CNDP1: variants seen among roughly 807,000 people sequenced by gnomAD.
CNDP1 encodes the protein carnosine dipeptidase 1, also known as beta-Ala-His dipeptidase.
A neutral mutation model predicts 58.1 loss-of-function variants in CNDP1; 44 were observed. The ratio of observed to expected loss-of-function variants is 0.76; its 90% CI spans 0.60 to 0.97. The LOEUF (loss-of-function observed/expected upper bound fraction) is 0.97. Ranked by LOEUF, CNDP1 falls within the 50% of genes least tolerant of loss-of-function variation. The probability of loss-of-function intolerance (pLI) is 0.00; values close to 1 mark genes in which losing one functional copy is unlikely to be tolerated. For synonymous variants in CNDP1, 254 were observed against 252.6 expected (o/e 1.01, Z -0.05); for missense variants, 616 against 655.1 (o/e 0.94, Z 0.65).
chr18:74,560,736 A>C (rs1352870042), intron 3 of CNDP1, 120 bp from the exon 4 acceptor site: 2 of 905,468 alleles, frequency 2.2e-6, no homozygotes, highest in East Asian at 4.9e-5. Context: ...CATTTTAGAG[A>C]TGGAGAAACT....
At chr18:74,535,564 T>G (rs528860487) in intron 1 of CNDP1, among the ~76,000 whole-genome samples, 45 of 110,358 alleles carry the variant, frequency 4.1e-4, no homozygotes, top group African/African-American at 1.3e-3. Context: ...GGTCTGGCCA[T>G]GCTTTCCATT....
intron 1 of CNDP1, among the ~76,000 whole-genome samples, chr18:74,547,780 C>G (rs1426256): frequency 0.25 from 38,462 of 152,188 alleles, 5,926 homozygotes; most frequent in Non-Finnish European, 0.35. Flanking sequence ...GCCCCAGGAC[C>G]TCTCGCTTCG....
rs1981352946 is a variant in CNDP1 at position 74,567,259 on chromosome 18, CATT to C, written c.583_585del (p.Ile195del). 1 of 1,613,978 alleles carries C rather than the reference CATT, an allele frequency of 6.2e-7. No individual in the cohort carries two copies. The highest frequency in any genetic ancestry group is 1.3e-5 in the African/African-American group (1 of 74,922). ...ATCTTCCTGTGAATATCAAATTCAT[CATT>C]GAGGGGATGGAAGAGGCTGGCTCTG... On this transcript the variant is annotated inframe_deletion, in exon 6 of 12. Coordinates refer to ENST00000358821, the MANE Select transcript of CNDP1 (RefSeq NM_032649.6).
intron 1 of CNDP1, among the ~76,000 whole-genome samples, chr18:74,555,077 G>A (rs965287401): frequency 1.3e-5 from 2 of 152,040 alleles, no homozygotes; most frequent in Non-Finnish European, 2.9e-5. Context: ...CGCAACCCCT[G>A]CTCACCTCCA....
chr18:74,577,213 T>C (rs1981657493), intron 8 of CNDP1, 184 bp downstream of exon 8: 2 of 482,196 alleles, frequency 4.1e-6, no homozygotes, highest in African/African-American at 2.0e-5. Context: ...ACCAGTCCTT[T>C]TTCAATGGCG....
At chr18:74,582,405 T>C (rs896144508) in intron 10 of CNDP1, among the ~76,000 whole-genome samples, 1 of 152,240 alleles carries the variant, frequency 6.6e-6, no homozygotes, top group Non-Finnish European at 1.5e-5. Context: ...AAACCTACGA[T>C]AGCAGTTAAA....
chr18:74,556,293 C>A lies in CNDP1; in HGVS notation c.25-45C>A, dbSNP rs777276538. On this transcript the variant is annotated intron_variant, in intron 1 of 11. Coordinates refer to ENST00000358821, the MANE Select transcript of CNDP1 (RefSeq NM_032649.6). ...ATTTGGAAGGTCCGAAGTCCAGCAA[C>A]TGGCATTGATTTTCATTCGTTCCTC... The A allele has an allele frequency of 2.5e-6, 4 of 1,598,220 alleles. No homozygotes were observed. The South Asian group carries it at 3.4e-5, about 14-fold the overall frequency.
intron 1 of CNDP1, among the ~76,000 whole-genome samples, chr18:74,540,237 A>G (rs1599084145): frequency 6.7e-6 from 1 of 150,114 alleles, no homozygotes; most frequent in Non-Finnish European, 1.5e-5. Flanking sequence ...AGCTCACTGC[A>G]ACCTCCGCTT....
chr18:74,583,633 T>A lies in CNDP1; in HGVS notation c.1382T>A (p.Val461Asp), dbSNP rs534442919. The A allele has an allele frequency of 6.2e-7, 1 of 1,614,126 alleles. No individual in the cohort carries two copies. Among genetic ancestry groups the A allele is most frequent in the Admixed American group, 1.7e-5 (1 of 60,026 alleles). ...IPIAKMFQEI[V>D]HKSVVLIPLG... ...ATTGCCAAAATGTTCCAGGAGATCGTCCACAAGAGCGTGGTGCTAATTCCG... is the reference window on the plus strand; with the variant it reads ...ATTGCCAAAATGTTCCAGGAGATCGACCACAAGAGCGTGGTGCTAATTCCG... The change falls in exon 11 of 12, where the codon GTC becomes GAC. Residue 461 changes from valine (V) to aspartate (D), a missense_variant. By Grantham distance (152) the Val-to-Asp change is radical. Transcript: ENST00000358821.
intron 6 of CNDP1, 130 bp downstream of exon 6, chr18:74,567,563 G>A (rs749513664): frequency 2.3e-5 from 18 of 777,846 alleles, no homozygotes; most frequent in African/African-American, 1.6e-4. Context: ...TGGGACACAC[G>A]GCCTCAGGGG....
At chr18:74,567,486 A>G in intron 6 of CNDP1, 53 bp downstream of exon 6, 1 of 1,418,570 alleles carries the variant, frequency 7.0e-7, no homozygotes, top group Non-Finnish European at 1.0e-6. Context: ...TGTGAATGGG[A>G]GCACCAATCC....
chr18:74,563,246 C>A (rs529151953), intron 5 of CNDP1, among the ~76,000 whole-genome samples: 1 of 152,208 alleles, frequency 6.6e-6, no homozygotes, highest in African/African-American at 2.4e-5. Context: ...CAGGTCTCAG[C>A]GGGCTCCTGC....
In CNDP1 at chr18:74,585,302, C is replaced by T. The variant is rs188448753; in HGVS notation, c.*740C>T. On this transcript the variant is annotated 3_prime_UTR_variant, in exon 12 of 12. Transcript: ENST00000358821. Reference sequence around the variant, plus strand: ...TGTCCCATCAGAAAAGGCCCACTCTCTCTCTATCCAACATCTGTGCACAGG... The same window carrying T: ...TGTCCCATCAGAAAAGGCCCACTCTTTCTCTATCCAACATCTGTGCACAGG... The T allele has an allele frequency of 9.2e-5, 14 of 152,346 alleles. No individual in the cohort carries two copies. Among genetic ancestry groups the T allele is most frequent in the African/African-American group, 3.1e-4 (13 of 41,572 alleles). 9.4% of individuals were successfully genotyped at this position (152,346 alleles called of 1,614,324 possible).
rs895510762 is a variant in CNDP1, at chr18:74,584,796, C to G, written c.*234C>G. The G allele has an allele frequency of 2.1e-6, 1 of 481,026 alleles. No homozygotes were observed. The highest frequency in any genetic ancestry group is 3.4e-5 in the Admixed American group (1 of 29,204). The allele number at this position is 481,026 out of a possible 1,614,324, so 29.8% of individuals were successfully genotyped here. A position where few individuals can be genotyped will look rare whatever the true frequency, so the allele number is the denominator to read the frequency against. ...ACCTTCCTCAAGTCATAGCTGCTTGCAGCAACTTGATTTCCCCAAGTCCTG... is the reference window on the plus strand; with the variant it reads ...ACCTTCCTCAAGTCATAGCTGCTTGGAGCAACTTGATTTCCCCAAGTCCTG... On this transcript the variant is annotated 3_prime_UTR_variant, in exon 12 of 12. Transcript: ENST00000358821.
intron 2 of CNDP1, among the ~76,000 whole-genome samples, chr18:74,558,392 C>CTCTT (rs1981095950): frequency 8.7e-6 from 1 of 114,312 alleles, no homozygotes; most frequent in Non-Finnish European, 1.7e-5. Context: ...CTTTCTTTTT[C>CTCTT]TTTTTTTTTT....
At chr18:74,584,129 CA>C in intron 11 of CNDP1, 2 of 311,450 alleles carry the variant, frequency 6.4e-6, no homozygotes, top group Non-Finnish European at 1.2e-5. Context: ...TAGTGCATAA[CA>C]AAAAAGGCTA....
At chr18:74,568,158 T>A (rs1981378084) in intron 6 of CNDP1, among the ~76,000 whole-genome samples, 1 of 152,218 alleles carries the variant, frequency 6.6e-6, no homozygotes, top group Admixed American at 6.5e-5. Context: ...TTTCAATCTG[T>A]TTTCTCATAT....
In CNDP1 at chr18:74,561,732, G is replaced by C. The variant is rs1981204613; in HGVS notation, c.467-315G>C. The C allele has an allele frequency of 8.6e-6, 2 of 232,626 alleles. 1 individual carries two copies. The highest frequency in any genetic ancestry group is 1.4e-4 in the South Asian group (2 of 14,034). The allele number at this position is 232,626 out of a possible 1,614,324, so 14.4% of individuals were successfully genotyped here. On this transcript the variant is annotated intron_variant, in intron 4 of 11. Coordinates refer to ENST00000358821, the MANE Select transcript of CNDP1 (RefSeq NM_032649.6). The stretch of plus-strand genomic sequence containing the variant: ...CGTGGCACTCTGCAACAAATCCCCG[G>C]TGGGTCTCTCCGGTGAACTTGGATA...
intron 1 of CNDP1, among the ~76,000 whole-genome samples, chr18:74,540,108 GA>G (rs1426401679): frequency 2.6e-5 from 3 of 113,410 alleles, no homozygotes; most frequent in Non-Finnish European, 5.9e-5. Context: ...CTGGTCTTTC[GA>G]ATCAGAATCT....
Sources: gnomAD v4.1 joint callset for allele counts (sites outside exome capture counted in the v4.1 genomes callset) on GRCh38, gnomAD v4.1.1 for gene constraint, MANE v1.5 for transcripts, NCBI Gene and HGNC (gene_info 2026-07-23, HGNC 2026-07-21) for gene names.